PTPN13: variants seen among roughly 807,000 people sequenced by gnomAD.
PTPN13 encodes protein tyrosine phosphatase non-receptor type 13, also known as tyrosine-protein phosphatase non-receptor type 13.
In PTPN13, 191 loss-of-function variants were observed where a neutral mutation model predicts 284.0. The observed-to-expected ratio is 0.67, with a 90% CI of 0.60 to 0.76. PTPN13 has a LOEUF of 0.76. Among genes scored for constraint, PTPN13 ranks in the 30% least tolerant of loss-of-function variants. PTPN13 has a pLI of 0.00. For synonymous variants in PTPN13, 986 were observed against 1,022.3 expected (o/e 0.96, Z 0.68); for missense variants, 2,797 against 2,939.9 (o/e 0.95, Z 1.12).
intron 23 of PTPN13, among the ~76,000 whole-genome samples, chr4:86,760,914 T>C (rs1316165429): frequency 6.6e-6 from 1 of 151,962 alleles, no homozygotes. Flanking sequence ...TAGCTACCCC[T>C]GTTAATTGTT....
At chr4:86,707,619 A>C (rs1731911194) in intron 7 of PTPN13, among the ~76,000 whole-genome samples, 1 of 152,140 alleles carries the variant, frequency 6.6e-6, no homozygotes, top group South Asian at 2.1e-4. Flanking sequence ...TTAGTATCTT[A>C]ATAATTTTAT....
At chr4:86,734,570 A>G in intron 13 of PTPN13, 114 bp downstream of exon 13, 1 of 1,268,462 alleles carries the variant, frequency 7.9e-7, no homozygotes, top group South Asian at 1.7e-5. Context: ...GCTTTATCAT[A>G]AAAGTAATAT....
At chr4:86,752,192 C>T (rs1177051553) in intron 19 of PTPN13, among the ~76,000 whole-genome samples, 4 of 151,996 alleles carry the variant, frequency 2.6e-5, no homozygotes, top group Non-Finnish European at 5.9e-5. Flanking sequence ...TGTTGTCTTA[C>T]GAAATACTAC....
chr4:86,704,531 A>G (rs1443213406), intron 7 of PTPN13, among the ~76,000 whole-genome samples: 1 of 152,212 alleles, frequency 6.6e-6, no homozygotes, highest in African/African-American at 2.4e-5. Context: ...AGACCATCTT[A>G]TTTCTACATA....
At chr4:86,732,811 A>G (rs1391459883) in intron 12 of PTPN13, 45 bp downstream of exon 12, 2 of 1,520,720 alleles carry the variant, frequency 1.3e-6, no homozygotes, top group Non-Finnish European at 1.8e-6. Flanking sequence ...GAAATTTAGC[A>G]ACAAGCAGAC....
chr4:86,646,901 G>C (rs1227219572), intron 2 of PTPN13, among the ~76,000 whole-genome samples: 1 of 152,156 alleles, frequency 6.6e-6, no homozygotes, highest in African/African-American at 2.4e-5. Context: ...GTGAACTATT[G>C]ATACATGCAA....
At position 86,672,390 on chromosome 4, in the gene PTPN13, T is replaced by C. The variant is rs956635323; in HGVS notation, c.141T>C (p.Leu47=). ...TAAGCCTAGCTGATCCTGCTGCCCTTGGCTTCATCATTTCTCCATGGTCTC... is the reference window on the plus strand; with the variant it reads ...TAAGCCTAGCTGATCCTGCTGCCCTCGGCTTCATCATTTCTCCATGGTCTC... ...RKVSLADPAA[L]GFIISPWSLL... Residue 47 remains leucine (L), a synonymous_variant, in exon 3 of 48, where the codon CTT becomes CTC. Transcript: ENST00000411767. 1 of 1,553,804 alleles carries C rather than the reference T, an allele frequency of 6.4e-7. No individual in the cohort carries two copies. The highest frequency in any genetic ancestry group is 1.4e-5 in the African/African-American group (1 of 73,242).
At chr4:86,753,363 G>T (rs2149215969) in intron 20 of PTPN13, among the ~76,000 whole-genome samples, 1 of 152,146 alleles carries the variant, frequency 6.6e-6, no homozygotes, top group South Asian at 2.1e-4. Context: ...TTATTTTAAA[G>T]GGATGCTGGA....
intron 1 of PTPN13, among the ~76,000 whole-genome samples, chr4:86,598,715 G>A (rs1247446004): frequency 6.6e-6 from 1 of 151,788 alleles, no homozygotes; most frequent in Admixed American, 6.6e-5. Flanking sequence ...TAGTTTAGTA[G>A]TATTCAACTC....
At chr4:86,763,504 T>A (rs1449608958) in intron 24 of PTPN13, among the ~76,000 whole-genome samples, 1 of 152,254 alleles carries the variant, frequency 6.6e-6, no homozygotes, top group Non-Finnish European at 1.5e-5. Flanking sequence ...AAGAGAATTT[T>A]AATATCTGAA....
intron 1 of PTPN13, among the ~76,000 whole-genome samples, chr4:86,600,410 AT>A (rs1163615785): frequency 0.023 from 1,363 of 59,194 alleles, 26 homozygotes; most frequent in African/African-American, 0.07. Flanking sequence ...GGTAGATGGT[AT>A]TTTTTTTTTT....
chr4:86,761,568 A>G (rs1738704073), intron 23 of PTPN13, among the ~76,000 whole-genome samples: 1 of 152,158 alleles, frequency 6.6e-6, no homozygotes, highest in Non-Finnish European at 1.5e-5. Context: ...TTCTCCTCAT[A>G]CCATCAGTGG....
At chr4:86,723,184 TAGTC>T (rs1022653985) in intron 10 of PTPN13, among the ~76,000 whole-genome samples, 28 of 152,352 alleles carry the variant, frequency 1.8e-4, no homozygotes, top group African/African-American at 6.3e-4. Flanking sequence ...GTAATTTCTT[TAGTC>T]AGTTCCAATT....
chr4:86,618,575 C>T (rs1720860324), intron 1 of PTPN13, among the ~76,000 whole-genome samples: 1 of 152,152 alleles, frequency 6.6e-6, no homozygotes, highest in Non-Finnish European at 1.5e-5. Flanking sequence ...ACTGTTCTTC[C>T]ATTTGTTTGT....
chr4:86,656,258 C>T (rs1189404055), intron 2 of PTPN13, among the ~76,000 whole-genome samples: 1 of 152,224 alleles, frequency 6.6e-6, no homozygotes, highest in African/African-American at 2.4e-5. Context: ...AGTCATTCTC[C>T]ATCCAGCTTT....
chr4:86,613,070 T>TA (rs1245682480), intron 1 of PTPN13, among the ~76,000 whole-genome samples: 2 of 152,226 alleles, frequency 1.3e-5, no homozygotes, highest in African/African-American at 4.8e-5. Flanking sequence ...ATGTATCTGA[T>TA]ACTTTTCTAA....
At position 86,810,890 on chromosome 4, in the gene PTPN13, C is replaced by T. The variant is rs79494721; in HGVS notation, c.7300-156C>T. ...ATACCAAGTGATGACAAAGTCCATT[C>T]GCCAAGTCATTTTGTCCAGGAGAGT... On this transcript the variant is annotated intron_variant, in intron 46 of 47. Transcript: ENST00000411767. Among the ~76,000 whole-genome samples, 92 of 152,274 alleles carry T rather than the reference C, an allele frequency of 6.0e-4. 1 individual carries two copies. The East Asian group carries it at 0.013, about 22-fold the overall frequency.
At chr4:86,775,956 T>C (rs1302063242) in intron 35 of PTPN13, among the ~76,000 whole-genome samples, 1 of 152,186 alleles carries the variant, frequency 6.6e-6, no homozygotes, top group Non-Finnish European at 1.5e-5. Flanking sequence ...TTTGTTTTCT[T>C]TTCTTTTTTA....
intron 1 of PTPN13, among the ~76,000 whole-genome samples, chr4:86,611,190 CTG>C: frequency 2.0e-5 from 3 of 152,342 alleles, no homozygotes; most frequent in African/African-American, 7.2e-5. Context: ...TGTACAAACT[CTG>C]TAGAAAGTCA....
Sources: allele counts gnomAD v4.1 joint callset (sites outside exome capture counted in the v4.1 genomes callset), GRCh38; gene constraint gnomAD v4.1.1; transcripts MANE v1.5; gene names NCBI Gene and HGNC (gene_info 2026-07-23, HGNC 2026-07-21).